The following PCDH9 variants were observed in gnomAD, a reference collection of about 807,000 sequenced individuals.
PCDH9 encodes protocadherin 9, also known as protocadherin-9.
In PCDH9, 24 loss-of-function variants were observed where a neutral mutation model predicts 70.6. The observed-to-expected ratio is 0.34, with a 90% CI of 0.25 to 0.48. PCDH9 has a LOEUF of 0.48. PCDH9 is among the 20% of genes least tolerant of loss of function. The probability of loss-of-function intolerance (pLI) is 0.99; values close to 1 mark genes in which losing one functional copy is unlikely to be tolerated. For synonymous variants in PCDH9, 562 were observed against 558.5 expected (o/e 1.01, Z -0.09); for missense variants, 1,281 against 1,503.6 (o/e 0.85, Z 2.45).
intron 4 of PCDH9, among the ~76,000 whole-genome samples, chr13:66,489,863 A>C (rs1165679600): frequency 6.6e-6 from 1 of 152,204 alleles, no homozygotes; most frequent in Non-Finnish European, 1.5e-5. Context: ...TAAAATGTTC[A>C]GACTTCATTG....
rs1033112357 is a variant in PCDH9 at position 67,225,247 on chromosome 13, A to G, written c.3036+158T>C. 3.2e-6 allele frequency: 4 copies of G among 1,267,958 alleles called. No individual in the cohort carries two copies. In the African/African-American group the frequency reaches 6.0e-5, roughly 19 times the overall value. The allele number at this position is 1,267,958 out of a possible 1,614,324, so 78.5% of individuals were successfully genotyped here. Reference sequence around the variant, plus strand: ...TTCAAAGCTGTTCTAAAAATTCTTGACTGAGCCCCAGAGGAATAGAAAAGG... The same window carrying G: ...TTCAAAGCTGTTCTAAAAATTCTTGGCTGAGCCCCAGAGGAATAGAAAAGG... On this transcript the variant is annotated intron_variant, in intron 2 of 4. Coordinates refer to ENST00000377865, the MANE Select transcript of PCDH9 (RefSeq NM_203487.3).
Position 66,817,459 on chromosome 13 carries a change from C to T in PCDH9, c.3138+86045G>A, listed in dbSNP as rs7338469. ...ATTCTACAGCATGTCTTACAATACT[C>T]ATAGATAGAAACTACATGAGCATAT... On this transcript the variant is annotated intron_variant, in intron 3 of 4. Coordinates refer to ENST00000377865, the MANE Select transcript of PCDH9 (RefSeq NM_203487.3). 4.6e-3 allele frequency among the ~76,000 whole-genome samples: 697 copies of T among 152,164 alleles called. 5 individuals are homozygous for T. The highest frequency in any genetic ancestry group is 0.016 in the African/African-American group (671 of 41,510).
chr13:66,956,210 T>C (rs186615670), intron 2 of PCDH9, among the ~76,000 whole-genome samples: 2 of 152,280 alleles, frequency 1.3e-5, no homozygotes, highest in African/African-American at 4.8e-5. Flanking sequence ...CATCTGCTGA[T>C]GACTAAAAAC....
chr13:66,606,594 T>A (rs900232651), intron 4 of PCDH9, among the ~76,000 whole-genome samples: 8 of 152,168 alleles, frequency 5.3e-5, no homozygotes, highest in Non-Finnish European at 4.4e-5. Context: ...GGCATATTGT[T>A]GCCAGACACA....
intron 4 of PCDH9, among the ~76,000 whole-genome samples, chr13:66,527,510 T>G (rs12877241): frequency 0.24 from 36,788 of 152,040 alleles, 4,855 homozygotes; most frequent in East Asian, 0.34. Flanking sequence ...ACATACTTCT[T>G]ATGCATCAAA....
intron 2 of PCDH9, among the ~76,000 whole-genome samples, chr13:66,974,368 A>C (rs1293094903): frequency 6.6e-6 from 1 of 151,818 alleles, no homozygotes; most frequent in African/African-American, 2.4e-5. Flanking sequence ...TTCCCTCTCA[A>C]GTTACAACCC....
intron 3 of PCDH9, among the ~76,000 whole-genome samples, chr13:66,740,119 A>G (rs1387080368): frequency 6.8e-6 from 1 of 146,634 alleles, no homozygotes; most frequent in Non-Finnish European, 1.5e-5. Flanking sequence ...ATGTAAAAGA[A>G]CAGAAATTAT....
chr13:67,212,329 CTA>C (rs2089485143), intron 2 of PCDH9: 1 of 151,496 alleles, frequency 6.6e-6, no homozygotes, highest in South Asian at 2.1e-4. Context: ...ATGATGACAT[CTA>C]TTTAAAATTG....
At chr13:66,926,867 G>A (rs181561283) in intron 2 of PCDH9, among the ~76,000 whole-genome samples, 83 of 152,086 alleles carry the variant, frequency 5.5e-4, no homozygotes, top group Middle Eastern at 3.4e-3. Context: ...AATCAGTGAA[G>A]CATGACATAA....
In PCDH9 at chr13:67,176,286, T is replaced by G. The variant is rs565983560; in HGVS notation, c.3036+49119A>C. Reference sequence around the variant, plus strand: ...AGAGAATAAGTGGTGTTCCAATTATTACCAGCATAAAGCAAATTGCTCAGG... The same window carrying G: ...AGAGAATAAGTGGTGTTCCAATTATGACCAGCATAAAGCAAATTGCTCAGG... On this transcript the variant is annotated intron_variant, in intron 2 of 4. Transcript: ENST00000377865. Among the ~76,000 whole-genome samples, 15 of 152,234 alleles carry G rather than the reference T, an allele frequency of 9.9e-5. No homozygotes were observed. In the East Asian group the frequency reaches 2.9e-3, roughly 29 times the overall value.
At chr13:66,788,364 A>T (rs2080111611) in intron 3 of PCDH9, among the ~76,000 whole-genome samples, 1 of 152,172 alleles carries the variant, frequency 6.6e-6, no homozygotes, top group Admixed American at 6.6e-5. Flanking sequence ...TTCAAAGGGG[A>T]TACATTCAAA....
intron 3 of PCDH9, among the ~76,000 whole-genome samples, chr13:66,808,420 T>C (rs1401267915): frequency 2.0e-5 from 3 of 152,180 alleles, no homozygotes; most frequent in Non-Finnish European, 2.9e-5. Context: ...ATACAAGATA[T>C]ATATTTTTTA....
intron 2 of PCDH9, among the ~76,000 whole-genome samples, chr13:67,155,479 C>A (rs1456838396): frequency 1.3e-5 from 2 of 152,126 alleles, no homozygotes; most frequent in African/African-American, 4.8e-5. Flanking sequence ...GGATCATAAC[C>A]TTAAATTGTA....
At chr13:66,984,200 C>A (rs2083840271) in intron 2 of PCDH9, among the ~76,000 whole-genome samples, 1 of 152,042 alleles carries the variant, frequency 6.6e-6, no homozygotes, top group Non-Finnish European at 1.5e-5. Flanking sequence ...ACGTCAGATT[C>A]CAGTTACTGT....
intron 4 of PCDH9, among the ~76,000 whole-genome samples, chr13:66,334,369 T>C (rs898860684): frequency 6.6e-6 from 1 of 152,134 alleles, no homozygotes; most frequent in Non-Finnish European, 1.5e-5. Flanking sequence ...TCATTCTTTT[T>C]TATGGCTGAT....
At chr13:66,307,240 A>C (rs1955484584) in intron 4 of PCDH9, among the ~76,000 whole-genome samples, 1 of 152,014 alleles carries the variant, frequency 6.6e-6, no homozygotes, top group Admixed American at 6.6e-5. Context: ...TCCCAACTAG[A>C]TTGAAAATTG....
chr13:66,902,209 A>G (rs2082287310), intron 3 of PCDH9, among the ~76,000 whole-genome samples: 1 of 151,694 alleles, frequency 6.6e-6, no homozygotes, highest in Non-Finnish European at 1.5e-5. Context: ...AAAAATATAA[A>G]AAAGTATATA....
chr13:67,026,825 G>T (rs9540975), intron 2 of PCDH9, among the ~76,000 whole-genome samples: 14,376 of 151,760 alleles, frequency 0.095, 755 homozygotes, highest in Non-Finnish European at 0.12. Context: ...TTGCTTCAAA[G>T]AGAATAAAAT....
At chr13:67,158,340 C>T (rs2087867043) in intron 2 of PCDH9, among the ~76,000 whole-genome samples, 1 of 152,182 alleles carries the variant, frequency 6.6e-6, no homozygotes, top group Non-Finnish European at 1.5e-5. Flanking sequence ...AAAGTGCGAA[C>T]TTATACTTTC....
Sources: gnomAD v4.1 joint callset for allele counts (sites outside exome capture counted in the v4.1 genomes callset) on GRCh38, gnomAD v4.1.1 for gene constraint, MANE v1.5 for transcripts, NCBI Gene and HGNC (gene_info 2026-07-23, HGNC 2026-07-21) for gene names.